The following APRT variants were observed in gnomAD, a reference collection of about 807,000 sequenced individuals.
APRT encodes AMP diphosphorylase.
APRT carries 25 observed loss-of-function variants against 21.0 expected under a neutral mutation model. The ratio of observed to expected loss-of-function variants is 1.19; its 90% CI spans 0.87 to 1.66. The LOEUF is 1.66. APRT is among the 40% of genes most tolerant of loss of function. The pLI, the probability that APRT is intolerant of heterozygous loss-of-function variation, is 0.00. For missense variants in APRT, 294 were observed against 232.7 expected (o/e 1.26, Z -1.72); for synonymous variants, 153 against 109.0 (o/e 1.40, Z -2.52).
At position 88,810,080 on chromosome 16, in the gene APRT, C is replaced by T. The variant is rs1267729722; in HGVS notation, c.390G>A (p.Leu130=). ...GQRVVVVDDL[L]ATGGTMNAAC... ...CGGGGAGACCCTTACCACCAGTGGC[C>T]AGCAGATCATCCACGACGACCACCC... Residue 130 remains leucine (L), a synonymous_variant, in exon 4 of 5, where the codon CTG becomes CTA. Transcript: ENST00000378364. 1 of 1,613,244 alleles carries T rather than the reference C, an allele frequency of 6.2e-7. No individual in the cohort carries two copies. Among genetic ancestry groups the T allele is most frequent in the Non-Finnish European group, 8.5e-7 (1 of 1,180,026 alleles).
At chr16:88,810,290 C>G in intron 3 of APRT, 133 bp downstream of exon 3, 1 of 1,508,806 alleles carries the variant, frequency 6.6e-7, no homozygotes, top group Non-Finnish European at 9.0e-7. Flanking sequence ...ATGTCTCAAC[C>G]TCTCTGAGCT....
Position 88,811,638 on chromosome 16 carries a change from C to T in APRT, c.99G>A (p.Leu33=). The T allele has an allele frequency of 6.3e-7, 1 of 1,598,574 alleles. No individual in the cohort carries two copies. Among genetic ancestry groups the T allele is most frequent in the Non-Finnish European group, 8.5e-7 (1 of 1,173,160 alleles). The change falls in exon 2 of 5, where the codon CTG becomes CTA. Residue 33 remains leucine (L), a synonymous_variant. Transcript: ENST00000378364. ...CGGCGCGGAAGGAGGCGGGGTCCTTCAGGACGGGCGAGATGTCCCTGGACC... is the reference window on the plus strand; with the variant it reads ...CGGCGCGGAAGGAGGCGGGGTCCTTTAGGACGGGCGAGATGTCCCTGGACC... The part of the protein sequence containing the change: ...GVVFRDISPV[L]KDPASFRAAI...
At chr16:88,810,241 A>T in intron 3 of APRT, 93 bp from the exon 4 acceptor site, 3 of 1,522,578 alleles carry the variant, frequency 2.0e-6, no homozygotes, top group Non-Finnish European at 2.7e-6. Flanking sequence ...CCTGACTCCA[A>T]CCCCACCTTG....
At chr16:88,811,749 G>C (rs994395901) in intron 1 of APRT, 71 bp downstream of exon 1, 1 of 1,505,144 alleles carries the variant, frequency 6.6e-7, no homozygotes, top group Non-Finnish European at 8.9e-7. Context: ...CCCGCCCGGA[G>C]GTCGCGGGCC....
chr16:88,811,705 G>A (rs1038514187), intron 1 of APRT, 49 bp from the exon 2 acceptor site: 7 of 1,512,536 alleles, frequency 4.6e-6, no homozygotes, highest in Non-Finnish European at 5.3e-6. Flanking sequence ...GGAGGGCAGG[G>A]CCCCGGGGGC....
chr16:88,809,690 C>T lies in APRT; in HGVS notation c.*8G>A. ...CAGCTGGAGATGTTGGGCTGGGAGG[C>T]CCTGTGGTCACTCATACTGCAGGAG... On this transcript the variant is annotated 3_prime_UTR_variant, in exon 5 of 5. Coordinates refer to ENST00000378364, the MANE Select transcript of APRT (RefSeq NM_000485.3). The T allele has an allele frequency of 1.2e-6, 2 of 1,613,258 alleles. No individual in the cohort carries two copies. Among genetic ancestry groups the T allele is most frequent in the South Asian group, 1.1e-5 (1 of 91,082 alleles).
rs1410836272 is a variant in APRT at position 88,809,864 on chromosome 16, CCAGTTGGCCTGGGCTG to C, written c.401-40_401-25del. On this transcript the variant is annotated intron_variant, in intron 4 of 4. Coordinates refer to ENST00000378364, the MANE Select transcript of APRT (RefSeq NM_000485.3). ...TCCTGGGGATGGGAGGGTGAGGTCC[CCAGTTGGCCTGGGCTG>C]CAGAGAGCAGGTGCTCCAGGCCAGC... is the stretch of plus-strand genomic sequence containing the variant. 5.6e-6 allele frequency: 9 copies of C among 1,607,946 alleles called. No individual in the cohort carries two copies. The Admixed American group carries it at 6.7e-5, about 12-fold the overall frequency.
In APRT at chr16:88,811,822, G is replaced by T; in HGVS notation, c.78C>A (p.Phe26Leu). ...FPDFPTPGVV[F>L]RDISPVLKDP... is the part of the protein sequence containing the mutation. ...ACGAGGGCGGCCTGTGCGTGCACCT[G>T]AATACCACGCCTGGGGTGGGGAAGT... The change falls in exon 1 of 5, where the codon TTC (phenylalanine) becomes TTA (leucine). Residue 26 changes from phenylalanine to leucine, a missense_variant and splice_region_variant. Transcript: ENST00000378364. The T allele has an allele frequency of 6.4e-7, 1 of 1,568,346 alleles. No individual in the cohort carries two copies.
intron 3 of APRT, 81 bp from the exon 4 acceptor site, chr16:88,810,229 AC>A: frequency 6.5e-7 from 1 of 1,540,956 alleles, no homozygotes; most frequent in Non-Finnish European, 8.9e-7. Context: ...GCCACCCTAG[AC>A]CCTGACTCCA....
Position 88,810,133 on chromosome 16 carries a change from GA to G in APRT, c.336del (p.Gln113ArgfsTer24). The G allele has an allele frequency of 6.2e-7, 1 of 1,613,186 alleles. No individual in the cohort carries two copies. Among genetic ancestry groups the G allele is most frequent in the East Asian group, 2.2e-5 (1 of 44,892 alleles). Reference sequence around the variant, plus strand: ...TGTCCTGGCTCCAGGGCGTCTTTCTGAATCTCCAGCTCAGCCTGGAGTGGGA... The same window carrying G: ...TGTCCTGGCTCCAGGGCGTCTTTCTGATCTCCAGCTCAGCCTGGAGTGGGA... ...SLEYGKAELE[I>X]QKDALEPGQR... On this transcript the variant is annotated frameshift_variant, in exon 4 of 5. Coordinates refer to ENST00000378364, the MANE Select transcript of APRT (RefSeq NM_000485.3). LOFTEE classifies it high-confidence loss of function.
intron 1 of APRT, 21 bp downstream of exon 1, chr16:88,811,799 G>A (rs1597510671): frequency 1.3e-6 from 2 of 1,545,960 alleles, no homozygotes; most frequent in Admixed American, 3.9e-5. Flanking sequence ...GGGGCGCCAC[G>A]AGGGCGGCCT....
intron 2 of APRT, chr16:88,811,340 C>T (rs1024459873): frequency 1.7e-6 from 1 of 600,156 alleles, no homozygotes; most frequent in South Asian, 2.0e-5. Context: ...GGCTGGGGAC[C>T]CGGAACCTGC....
In APRT at chr16:88,810,095, G is replaced by A. The variant is rs763991694; in HGVS notation, c.375C>T (p.Val125=). The A allele has an allele frequency of 2.1e-5, 34 of 1,613,116 alleles. No homozygotes were observed. The highest frequency in any genetic ancestry group is 6.7e-5 in the African/African-American group (5 of 74,918). Residue 125 remains valine, a synonymous_variant, in exon 4 of 5, where the codon GTC becomes GTT. Coordinates refer to ENST00000378364, the MANE Select transcript of APRT (RefSeq NM_000485.3). ...CACCAGTGGCCAGCAGATCATCCAC[G>A]ACGACCACCCTCTGTCCTGGCTCCA... The part of the protein sequence containing the change: ...DALEPGQRVV[V]VDDLLATGGT...
At chr16:88,809,957 A>T (rs1277791341) in intron 4 of APRT, 113 bp downstream of exon 4, 1 of 1,565,212 alleles carries the variant, frequency 6.4e-7, no homozygotes, top group African/African-American at 1.4e-5. Context: ...CGGCCTGGCC[A>T]CCAGGCACCC....
In APRT at chr16:88,811,836, G is replaced by A. The variant is rs1325065754; in HGVS notation, c.64C>T (p.Pro22Ser). 1.3e-6 allele frequency: 2 copies of A among 1,572,374 alleles called. No individual in the cohort carries two copies. The highest frequency in any genetic ancestry group is 1.4e-5 in the African/African-American group (1 of 73,782). ...RIRSFPDFPTPGVVFRDISPV... is the reference protein window; with the variant it reads ...RIRSFPDFPTSGVVFRDISPV... Reference sequence around the variant, plus strand: ...TGCGTGCACCTGAATACCACGCCTGGGGTGGGGAAGTCGGGGAAGCTGCGG... The same window carrying A: ...TGCGTGCACCTGAATACCACGCCTGAGGTGGGGAAGTCGGGGAAGCTGCGG... The change falls in exon 1 of 5, where the codon CCA (proline) becomes TCA (serine). Residue 22 changes from proline (P) to serine (S), a missense_variant. Transcript: ENST00000378364.
rs569734625 is a variant in APRT, at chr16:88,809,810, C to T, written c.431G>A (p.Gly144Asp). Residue 144 changes from glycine to aspartate, a missense_variant, in exon 5 of 5, where the codon GGC (glycine) becomes GAC (aspartate). Transcript: ENST00000378364. ...GTMNAACELL[G>D]RLQAEVLECV... ...CTCCAGGACCTCAGCCTGCAGGCGG[C>T]CCAGCAGCTCACAGGCAGCGTTCAT... 6.2e-7 allele frequency: 1 copy of T among 1,612,776 alleles called. No homozygotes were observed. Among genetic ancestry groups the T allele is most frequent in the South Asian group, 1.1e-5 (1 of 91,078 alleles).
At chr16:88,811,006 T>A (rs1241564854) in intron 2 of APRT, among the ~76,000 whole-genome samples, 1 of 152,072 alleles carries the variant, frequency 6.6e-6, no homozygotes, top group African/African-American at 2.4e-5. Flanking sequence ...AGAAGGGAGC[T>A]CTGGCAGTGT....
At chr16:88,809,905 C>G (rs981211482) in intron 4 of APRT, 65 bp from the exon 5 acceptor site, 32 of 1,595,790 alleles carry the variant, frequency 2.0e-5, no homozygotes, top group Non-Finnish European at 2.6e-5. Flanking sequence ...TCCAGGCCAG[C>G]CCCTGGGTTG....
At position 88,809,723 on chromosome 16, in the gene APRT, A is replaced by G; in HGVS notation, c.518T>C (p.Phe173Ser). 3 of 1,613,414 alleles carry G rather than the reference A, an allele frequency of 1.9e-6. No individual in the cohort carries two copies. The highest frequency in any genetic ancestry group is 1.7e-6 in the Non-Finnish European group (2 of 1,180,000). Residue 173 changes from phenylalanine (F) to serine (S), a missense_variant, in exon 5 of 5, where the codon TTC becomes TCC. Transcript: ENST00000378364. Reference protein sequence around the residue: ...KGREKLAPVPFFSLLQYE With the variant: ...KGREKLAPVPSFSLLQYE ...TCACTCATACTGCAGGAGAGAGAAGAAGGGTACAGGTGCCAGCTTCTCCCT... is the reference window on the plus strand; with the variant it reads ...TCACTCATACTGCAGGAGAGAGAAGGAGGGTACAGGTGCCAGCTTCTCCCT...
Sources: gnomAD v4.1 joint callset for allele counts (sites outside exome capture counted in the v4.1 genomes callset) on GRCh38, gnomAD v4.1.1 for gene constraint, MANE v1.5 for transcripts, NCBI Gene and HGNC (gene_info 2026-07-23, HGNC 2026-07-21) for gene names.